ANKRD30A: variants seen among roughly 807,000 people sequenced by gnomAD.
ANKRD30A encodes the protein ankyrin repeat domain-containing protein 30A.
Under a neutral mutation model 166.3 loss-of-function variants are expected in ANKRD30A, and 170 were observed. The observed-to-expected ratio is 1.02, with a 90% CI of 0.90 to 1.16. The LOEUF (loss-of-function observed/expected upper bound fraction) is 1.16, where lower values mean the gene tolerates loss of function less well. ANKRD30A is among the 50% of genes most tolerant of loss of function. ANKRD30A has a pLI of 0.00. For missense variants in ANKRD30A, 1,630 were observed against 1,518.0 expected (o/e 1.07, Z -1.23); for synonymous variants, 564 against 508.9 (o/e 1.11, Z -1.46).
chr10:37,232,776 TAGG>T (rs1843501745), downstream of ANKRD30A, among the ~76,000 whole-genome samples: 3 of 142,886 alleles, frequency 2.1e-5, no homozygotes, highest in Admixed American at 7.1e-5. Context: ...CCTAGCTACT[TAGG>T]AGGCTGAGTA....
At chr10:37,246,874 C>G in the ANKRD30A span, among the ~76,000 whole-genome samples, 1 of 152,294 alleles carries the variant, frequency 6.6e-6, no homozygotes, top group South Asian at 2.1e-4. Context: ...CATCATAGCA[C>G]CCCTTCCCTC....
At chr10:37,158,611 C>G in intron 15 of ANKRD30A, 25 bp downstream of exon 15, 1 of 1,610,584 alleles carries the variant, frequency 6.2e-7, no homozygotes, top group Non-Finnish European at 8.5e-7. Context: ...TTTAATTTTA[C>G]TCTGGAAAGG....
chr10:37,159,609 A>T (rs768125245), intron 15 of ANKRD30A, among the ~76,000 whole-genome samples: 7 of 152,202 alleles, frequency 4.6e-5, no homozygotes, highest in Admixed American at 2.6e-4. Context: ...CTGTGTGTAG[A>T]ATTTGTTTTC....
At chr10:37,160,754 A>G (rs1838785339) in intron 15 of ANKRD30A, among the ~76,000 whole-genome samples, 1 of 152,160 alleles carries the variant, frequency 6.6e-6, no homozygotes, top group African/African-American at 2.4e-5. Flanking sequence ...TTACATGGGA[A>G]GAAGTAGTTC....
At chr10:37,154,655 C>G (rs17606299) in intron 13 of ANKRD30A, among the ~76,000 whole-genome samples, 1 of 152,230 alleles carries the variant, frequency 6.6e-6, no homozygotes. Flanking sequence ...ACCAAGAGCA[C>G]AAGTCTAGAG....
At chr10:37,133,439 CATT>C (rs1836493939) in intron 4 of ANKRD30A, among the ~76,000 whole-genome samples, 1 of 152,128 alleles carries the variant, frequency 6.6e-6, no homozygotes, top group South Asian at 2.1e-4. Flanking sequence ...GTTGAAGTAA[CATT>C]ATGAATGTCA....
At chr10:37,232,680 A>G (rs1843476061), downstream of ANKRD30A, 2 of 7,762 alleles carry the variant, frequency 2.6e-4, no homozygotes, top group East Asian at 0.04. Context: ...ATATATATAT[A>G]TATATATATA....
intron 11 of ANKRD30A, 90 bp downstream of exon 11, chr10:37,149,939 A>C (rs1191134239): frequency 2.6e-6 from 4 of 1,532,196 alleles, no homozygotes; most frequent in Non-Finnish European, 3.5e-6. Flanking sequence ...TATTTTTTTC[A>C]ACTTTGATGA....
rs1835954350 is a variant in ANKRD30A, at chr10:37,125,719, G to A, written c.-69G>A. The A allele has an allele frequency of 1.4e-5, 8 of 558,402 alleles. No individual in the cohort carries two copies. Among genetic ancestry groups the A allele is most frequent in the South Asian group, 8.5e-5 (4 of 47,110 alleles). 34.6% of individuals were successfully genotyped at this position (558,402 alleles called of 1,614,324 possible). A position where few individuals can be genotyped will look rare whatever the true frequency, so the allele number is the denominator to read the frequency against. On this transcript the variant is annotated 5_prime_UTR_variant, in exon 1 of 36. Coordinates refer to ENST00000361713, the MANE Select transcript of ANKRD30A (RefSeq NM_052997.3). ...GAAGAAGGGCGAGGGCGATTGGGGAGGGGTGGGGGGTGGTGGCTGGGAAGG... is the reference window on the plus strand; with the variant it reads ...GAAGAAGGGCGAGGGCGATTGGGGAAGGGTGGGGGGTGGTGGCTGGGAAGG...
chr10:37,234,268 T>C (rs887563367), downstream of ANKRD30A, among the ~76,000 whole-genome samples: 1 of 152,218 alleles, frequency 6.6e-6, no homozygotes, highest in South Asian at 2.1e-4. Context: ...TGCTTTGTTC[T>C]ATATATGAGA....
chr10:37,222,645 A>G (rs888286476), intron 34 of ANKRD30A, among the ~76,000 whole-genome samples: 1 of 151,152 alleles, frequency 6.6e-6, no homozygotes, highest in Admixed American at 6.6e-5. Context: ...GCCGATTTCC[A>G]TATCTCTCTG....
intron 25 of ANKRD30A, among the ~76,000 whole-genome samples, chr10:37,191,704 T>A (rs1840591122): frequency 6.6e-6 from 1 of 151,998 alleles, no homozygotes; most frequent in East Asian, 1.9e-4. Flanking sequence ...TCATTTATTT[T>A]AAGATTTCAG....
chr10:37,157,110 A>G (rs1246567336), intron 13 of ANKRD30A, among the ~76,000 whole-genome samples: 1 of 152,188 alleles, frequency 6.6e-6, no homozygotes, highest in African/African-American at 2.4e-5. Context: ...GATTAATATT[A>G]TTTGAAGACA....
the ANKRD30A span, among the ~76,000 whole-genome samples, chr10:37,240,435 G>A: frequency 6.6e-6 from 1 of 152,050 alleles, no homozygotes; most frequent in Admixed American, 6.5e-5. Flanking sequence ...CGTGACTGGT[G>A]ACATTTTAAA....
intron 15 of ANKRD30A, among the ~76,000 whole-genome samples, chr10:37,159,564 G>C (rs1487337902): frequency 6.6e-6 from 1 of 152,172 alleles, no homozygotes; most frequent in Non-Finnish European, 1.5e-5. Context: ...TGTGGTTATA[G>C]ACCATGTGTA....
chr10:37,165,290 T>C (rs868639416), intron 18 of ANKRD30A, 135 bp downstream of exon 18: 1 of 832,920 alleles, frequency 1.2e-6, no homozygotes, highest in Non-Finnish European at 1.9e-6. Context: ...CAGTATATGC[T>C]TAATGGAGAA....
At position 37,130,221 on chromosome 10, in the gene ANKRD30A, A is replaced by G; in HGVS notation, c.353A>G (p.Gln118Arg). 6.3e-7 allele frequency: 1 copy of G among 1,594,882 alleles called. No individual in the cohort carries two copies. Among genetic ancestry groups the G allele is most frequent in the African/African-American group, 1.4e-5 (1 of 73,442 alleles). Residue 118 changes from glutamine to arginine, a missense_variant, in exon 3 of 36, where the codon CAG (glutamine) becomes CGG (arginine). Around this residue, in one of 4 missense-constraint regions of ANKRD30A, gnomAD observed 904 missense variants for 818.5 expected, o/e 1.10. Transcript: ENST00000361713. ...TPLMKALQCH[Q>R]EACANILIDS... ...TACTGACAGGCTCTACAATGCCATC[A>G]GGAGGCTTGTGCAAATATTCTGATA...
At chr10:37,252,849 TATAAG>T in the ANKRD30A span, among the ~76,000 whole-genome samples, 5 of 152,220 alleles carry the variant, frequency 3.3e-5, no homozygotes, top group Non-Finnish European at 7.3e-5. Flanking sequence ...TAAGTGCTTA[TATAAG>T]ATGTTTTTTC....
At chr10:37,127,288 T>A (rs533547916) in intron 1 of ANKRD30A, among the ~76,000 whole-genome samples, 1 of 152,016 alleles carries the variant, frequency 6.6e-6, no homozygotes, top group South Asian at 2.1e-4. Context: ...AAGTTCCTGA[T>A]GGAATATAGA....
Sources: gnomAD v4.1 joint callset for allele counts (sites outside exome capture counted in the v4.1 genomes callset) on GRCh38, gnomAD v4.1.1 for gene constraint, gnomAD v4.1.1 regional missense constraint, MANE v1.5 for transcripts, NCBI Gene and HGNC (gene_info 2026-07-23, HGNC 2026-07-21) for gene names.